Variants in CORO1C observed in about 807,000 individuals in gnomAD.
CORO1C encodes coronin-1C.
CORO1C carries 14 observed loss-of-function variants against 51.2 expected under a neutral mutation model. The ratio of observed to expected loss-of-function variants is 0.27; its 90% CI spans 0.18 to 0.43. CORO1C has a LOEUF of 0.43. CORO1C is among the 20% of genes least tolerant of loss of function. CORO1C has a pLI of 1.00. For missense variants in CORO1C, 417 were observed against 607.8 expected (o/e 0.69, Z 3.30); for synonymous variants, 181 against 210.5 (o/e 0.86, Z 1.21).
At chr12:108,663,560 A>G (rs867599097) in intron 3 of CORO1C, among the ~76,000 whole-genome samples, 2 of 152,272 alleles carry the variant, frequency 1.3e-5, no homozygotes, top group Admixed American at 6.5e-5. Flanking sequence ...ACATTATGCA[A>G]AGTGAAAGAA....
intron 2 of CORO1C, among the ~76,000 whole-genome samples, chr12:108,692,291 G>A (rs1483358414): frequency 6.6e-6 from 1 of 152,176 alleles, no homozygotes; most frequent in Non-Finnish European, 1.5e-5. Flanking sequence ...CAGGACACTG[G>A]CTGGCTCTGA....
chr12:108,660,882 A>G (rs2033233882), intron 4 of CORO1C, among the ~76,000 whole-genome samples: 1 of 152,220 alleles, frequency 6.6e-6, no homozygotes, highest in African/African-American at 2.4e-5. Context: ...CTTAGTTTCA[A>G]TAGTTACTTG....
chr12:108,720,623 T>C (rs1001194900), intron 1 of CORO1C, among the ~76,000 whole-genome samples: 1 of 152,042 alleles, frequency 6.6e-6, no homozygotes, highest in Non-Finnish European at 1.5e-5. Context: ...TCCGAGTTCA[T>C]GCCATTTTCC....
At chr12:108,680,979 T>C (rs967537265) in intron 2 of CORO1C, among the ~76,000 whole-genome samples, 2 of 152,230 alleles carry the variant, frequency 1.3e-5, no homozygotes, top group Non-Finnish European at 2.9e-5. Context: ...AGTAACTCTT[T>C]TGAATGTGTG....
At chr12:108,679,326 C>T (rs957722498) in intron 2 of CORO1C, among the ~76,000 whole-genome samples, 1 of 152,068 alleles carries the variant, frequency 6.6e-6, no homozygotes, top group African/African-American at 2.4e-5. Context: ...TAGCCAGTTC[C>T]ACATCTGATT....
At position 108,726,129 on chromosome 12, in the gene CORO1C, G is replaced by A. The variant is rs531379936; in HGVS notation, c.-6+5300C>T. Among the ~76,000 whole-genome samples the A allele has an allele frequency of 1.4e-4, 22 of 152,200 alleles. No individual in the cohort carries two copies. In the South Asian group the frequency reaches 3.7e-3, roughly 26 times the overall value. On this transcript the variant is annotated intron_variant, in intron 1 of 10. Coordinates refer to ENST00000261401, the MANE Select transcript of CORO1C (RefSeq NM_014325.4). ...ATTACAGGTGTGAGCCACCACGCCC[G>A]GCATGAAATATTTTTAATTAAAGTA...
intron 2 of CORO1C, among the ~76,000 whole-genome samples, chr12:108,692,026 G>C (rs918045346): frequency 7.1e-6 from 1 of 141,810 alleles, no homozygotes; most frequent in African/African-American, 2.5e-5. Context: ...GGATAACACA[G>C]TCACTAGGAG....
At chr12:108,671,839 T>C (rs1027267751) in intron 3 of CORO1C, among the ~76,000 whole-genome samples, 10 of 152,170 alleles carry the variant, frequency 6.6e-5, no homozygotes, top group African/African-American at 2.4e-4. Flanking sequence ...CACGGCTCAA[T>C]GCAGCCTTGA....
At chr12:108,688,593 ACTAC>A (rs2034383860) in intron 2 of CORO1C, among the ~76,000 whole-genome samples, 1 of 152,222 alleles carries the variant, frequency 6.6e-6, no homozygotes, top group Admixed American at 6.5e-5. Flanking sequence ...GGTTGAAGAC[ACTAC>A]CAATTGGTGT....
At chr12:108,710,784 G>A (rs528676504) in intron 1 of CORO1C, among the ~76,000 whole-genome samples, 1 of 152,004 alleles carries the variant, frequency 6.6e-6, no homozygotes, top group East Asian at 1.9e-4. Context: ...AGATGGTCTC[G>A]ATCTCTTCAC....
At chr12:108,673,360 G>A (rs1401158938) in intron 3 of CORO1C, among the ~76,000 whole-genome samples, 1 of 152,192 alleles carries the variant, frequency 6.6e-6, no homozygotes, top group Non-Finnish European at 1.5e-5. Context: ...GCTGACAGAG[G>A]TGAAGAAGCT....
chr12:108,654,494 T>C lies in CORO1C; in HGVS notation c.751-84A>G, dbSNP rs750857813. The C allele has an allele frequency of 2.8e-4, 200 of 725,010 alleles. 1 individual carries two copies. Among genetic ancestry groups the C allele is most frequent in the Admixed American group, 2.5e-3 (92 of 37,054 alleles). The allele number at this position is 725,010 out of a possible 1,614,324, so 44.9% of individuals were successfully genotyped here. A position where few individuals can be genotyped will look rare whatever the true frequency, so the allele number is the denominator to read the frequency against. Reference sequence around the variant, plus strand: ...ATTTTTATAACCTTATTATATATTCTTCTATCCCAATTAAGCGAGCCATTT... The same window carrying C: ...ATTTTTATAACCTTATTATATATTCCTCTATCCCAATTAAGCGAGCCATTT... On this transcript the variant is annotated intron_variant, in intron 6 of 10. Coordinates refer to ENST00000261401, the MANE Select transcript of CORO1C (RefSeq NM_014325.4).
chr12:108,678,169 G>A lies in CORO1C; in HGVS notation c.318+103C>T, dbSNP rs920090453. The A allele has an allele frequency of 8.7e-5, 87 of 1,002,660 alleles. No homozygotes were observed. In the African/African-American group the frequency reaches 1.1e-3, roughly 13 times the overall value. The allele number at this position is 1,002,660 out of a possible 1,614,324, so 62.1% of individuals were successfully genotyped here. On this transcript the variant is annotated intron_variant, in intron 3 of 10. Coordinates refer to ENST00000261401, the MANE Select transcript of CORO1C (RefSeq NM_014325.4). Reference sequence around the variant, plus strand: ...ACAGTCAAAACTGCTATAACGTTCTGCTTTTCAAGCCTCTATACATACACA... The same window carrying A: ...ACAGTCAAAACTGCTATAACGTTCTACTTTTCAAGCCTCTATACATACACA...
intron 6 of CORO1C, among the ~76,000 whole-genome samples, chr12:108,655,946 CCCGGCCGCCCAT>C (rs2032951929): frequency 6.6e-6 from 1 of 151,680 alleles, no homozygotes; most frequent in Admixed American, 6.6e-5. Flanking sequence ...AGCGTCTCTG[CCCGGCCGCCCAT>C]CGTCTGAGAT....
intron 3 of CORO1C, among the ~76,000 whole-genome samples, chr12:108,675,450 T>G (rs1187674249): frequency 1.3e-5 from 2 of 151,876 alleles, no homozygotes; most frequent in Non-Finnish European, 2.9e-5. Context: ...ATTGAACCCA[T>G]CAAATATGTT....
chr12:108,730,149 C>A (rs1395185676), intron 1 of CORO1C: 1 of 152,208 alleles, frequency 6.6e-6, no homozygotes, highest in Non-Finnish European at 1.5e-5. Flanking sequence ...TCTTACCATG[C>A]CGGGGGAAAT....
chr12:108,651,046 G>T (rs980085053), intron 8 of CORO1C, among the ~76,000 whole-genome samples: 7 of 152,158 alleles, frequency 4.6e-5, no homozygotes, highest in Admixed American at 3.9e-4. Flanking sequence ...CCGCCTCCTG[G>T]GTTCAAGTGA....
At chr12:108,686,692 T>C (rs2034307071) in intron 2 of CORO1C, among the ~76,000 whole-genome samples, 1 of 152,216 alleles carries the variant, frequency 6.6e-6, no homozygotes, top group Non-Finnish European at 1.5e-5. Context: ...TTGGGATTAC[T>C]AGCATGTCAA....
intron 1 of CORO1C, among the ~76,000 whole-genome samples, chr12:108,711,469 C>G (rs1592940455): frequency 6.6e-6 from 1 of 152,082 alleles, no homozygotes; most frequent in East Asian, 1.9e-4. Flanking sequence ...CGCCTGAGGT[C>G]AGGAGTTCGA....
Sources: gnomAD v4.1 joint callset for allele counts (sites outside exome capture counted in the v4.1 genomes callset) on GRCh38, gnomAD v4.1.1 for gene constraint, MANE v1.5 for transcripts, NCBI Gene and HGNC (gene_info 2026-07-23, HGNC 2026-07-21) for gene names.